HEMK2: variants seen among roughly 807,000 people sequenced by gnomAD.
The protein encoded by HEMK2 is HemK methyltransferase 2, ETF1 glutamine and histone H4 lysine, also known as methyltransferase HEMK2.
the HEMK2 span, among the ~76,000 whole-genome samples, chr21:28,579,667 A>G: frequency 6.6e-6 from 1 of 152,188 alleles, no homozygotes; most frequent in Non-Finnish European, 1.5e-5. Flanking sequence ...AATAAGAATG[A>G]CCCATGTCAA....
chr21:28,773,438 A>G, the HEMK2 span, among the ~76,000 whole-genome samples: 490 of 152,298 alleles, frequency 3.2e-3, 4 homozygotes, highest in African/African-American at 0.011. Flanking sequence ...AAAGACACAG[A>G]ACTGACTTCA....
chr21:28,883,007 T>C, the HEMK2 span: 3 of 1,605,458 alleles, frequency 1.9e-6, no homozygotes, highest in African/African-American at 2.7e-5. Flanking sequence ...TGAGGGCCTA[T>C]CATAGAGGCT....
chr21:28,884,724 T>C, the HEMK2 span, among the ~76,000 whole-genome samples: 3 of 152,240 alleles, frequency 2.0e-5, no homozygotes, highest in Admixed American at 1.3e-4. Context: ...AGTATGCTAT[T>C]CAGTGGGTTT....
At chr21:28,831,498 A>G in the HEMK2 span, among the ~76,000 whole-genome samples, 24 of 84,316 alleles carry the variant, frequency 2.8e-4, no homozygotes, top group African/African-American at 1.3e-3. Flanking sequence ...AAAGAAAGAA[A>G]GAAAGAAAGA....
the HEMK2 span, among the ~76,000 whole-genome samples, chr21:28,751,355 A>G: frequency 6.6e-6 from 1 of 152,186 alleles, no homozygotes; most frequent in Non-Finnish European, 1.5e-5. Context: ...TTCTTCCTAA[A>G]TGATCTTGAA....
the HEMK2 span, among the ~76,000 whole-genome samples, chr21:28,770,075 T>G: frequency 5.6e-4 from 86 of 152,300 alleles, no homozygotes; most frequent in African/African-American, 2.0e-3. Flanking sequence ...GAATGCACCA[T>G]CAATAAATGA....
At chr21:28,839,568 A>G in the HEMK2 span, among the ~76,000 whole-genome samples, 1 of 152,162 alleles carries the variant, frequency 6.6e-6, no homozygotes, top group Non-Finnish European at 1.5e-5. Context: ...GCTCTTCCAT[A>G]CACCAAGAGC....
chr21:28,704,683 T>G, the HEMK2 span, among the ~76,000 whole-genome samples: 20 of 152,112 alleles, frequency 1.3e-4, no homozygotes, highest in Non-Finnish European at 2.9e-4. Flanking sequence ...GTAACCCTAA[T>G]TTACCCCTGA....
the HEMK2 span, among the ~76,000 whole-genome samples, chr21:28,607,058 T>C: frequency 1.3e-5 from 2 of 152,186 alleles, no homozygotes; most frequent in African/African-American, 4.8e-5. Flanking sequence ...GCAAGAGGTA[T>C]TCAAATTGGA....
At chr21:28,795,833 T>C in the HEMK2 span, among the ~76,000 whole-genome samples, 3 of 152,194 alleles carry the variant, frequency 2.0e-5, no homozygotes, top group East Asian at 1.9e-4. Flanking sequence ...ATCAGGTATA[T>C]GATAATTAAT....
the HEMK2 span, among the ~76,000 whole-genome samples, chr21:28,733,841 G>A: frequency 1.1e-5 from 1 of 92,988 alleles, no homozygotes; most frequent in South Asian, 3.4e-4. Context: ...ACTCGTCACT[G>A]TTTAGTCTTC....
chr21:28,633,202 T>C, the HEMK2 span, among the ~76,000 whole-genome samples: 1 of 152,150 alleles, frequency 6.6e-6, no homozygotes, highest in Non-Finnish European at 1.5e-5. Context: ...AGGGCAAGGC[T>C]GGGTCTCTAC....
the HEMK2 span, among the ~76,000 whole-genome samples, chr21:28,869,835 C>A: frequency 2.6e-5 from 4 of 152,192 alleles, no homozygotes; most frequent in African/African-American, 9.6e-5. Flanking sequence ...TGAACCTCTG[C>A]ACATGAGAAT....
the HEMK2 span, among the ~76,000 whole-genome samples, chr21:28,834,588 G>A: frequency 1.3e-5 from 2 of 152,198 alleles, no homozygotes; most frequent in Non-Finnish European, 2.9e-5. Context: ...ACTACACAAG[G>A]AGAAGGAAAT....
chr21:28,860,466 TA>T, the HEMK2 span, among the ~76,000 whole-genome samples: 1 of 148,556 alleles, frequency 6.7e-6, no homozygotes, highest in African/African-American at 2.4e-5. Flanking sequence ...AATATATATA[TA>T]TAACATATAT....
the HEMK2 span, among the ~76,000 whole-genome samples, chr21:28,636,602 C>T: frequency 6.6e-6 from 1 of 152,128 alleles, no homozygotes; most frequent in Admixed American, 6.6e-5. Flanking sequence ...CTGTAATTTG[C>T]CAAGTGAAAC....
At chr21:28,775,022 A>G in the HEMK2 span, among the ~76,000 whole-genome samples, 2 of 152,216 alleles carry the variant, frequency 1.3e-5, no homozygotes, top group African/African-American at 4.8e-5. Flanking sequence ...AAATGGAAAA[A>G]TTTACAGTAT....
At chr21:28,721,900 T>TCACACACA in the HEMK2 span, among the ~76,000 whole-genome samples, 87 of 127,368 alleles carry the variant, frequency 6.8e-4, no homozygotes, top group East Asian at 2.1e-3. Context: ...TTCTTAACCA[T>TCACACACA]CACACACACA....
the HEMK2 span, among the ~76,000 whole-genome samples, chr21:28,850,714 T>C: frequency 1.3e-5 from 2 of 152,138 alleles, no homozygotes; most frequent in South Asian, 2.1e-4. Flanking sequence ...AAAACACACT[T>C]AAGTACAGAA....
Sources: allele counts gnomAD v4.1 joint callset (sites outside exome capture counted in the v4.1 genomes callset), GRCh38; gene constraint gnomAD v4.1.1; transcripts MANE v1.5; gene names NCBI Gene and HGNC (gene_info 2026-07-23, HGNC 2026-07-21).